SPOCK1: variants seen among roughly 807,000 people sequenced by gnomAD.
SPOCK1 encodes testican-1.
A neutral mutation model predicts 55.3 loss-of-function variants in SPOCK1; 23 were observed. That is an observed-to-expected ratio of 0.42 (90% CI 0.30 to 0.59). The LOEUF is 0.59. Among genes scored for constraint, SPOCK1 ranks in the 20% least tolerant of loss-of-function variants. The pLI is 0.22. For synonymous variants in SPOCK1, 226 were observed against 221.0 expected, an observed-to-expected ratio of 1.02 and a Z score of -0.20; for missense variants, 499 against 552.5, an observed-to-expected ratio of 0.90 and a Z score of 0.97.
intron 2 of SPOCK1, among the ~76,000 whole-genome samples, chr5:137,485,736 A>T (rs1453012039): frequency 6.6e-6 from 1 of 152,206 alleles, no homozygotes; most frequent in Non-Finnish European, 1.5e-5. Context: ...ACACACAAAA[A>T]AAAGTACAAC....
chr5:137,014,655 C>G (rs1253715377), intron 6 of SPOCK1, among the ~76,000 whole-genome samples: 1 of 152,160 alleles, frequency 6.6e-6, no homozygotes, highest in Non-Finnish European at 1.5e-5. Context: ...GAGGGACTTT[C>G]TGTGTCAATA....
intron 5 of SPOCK1, among the ~76,000 whole-genome samples, chr5:137,076,089 T>C (rs1432530799): frequency 6.6e-6 from 1 of 152,190 alleles, no homozygotes; most frequent in East Asian, 1.9e-4. Flanking sequence ...GGTGGGACCA[T>C]GCACAGCCTC....
chr5:137,027,755 G>A (rs1453172438), intron 6 of SPOCK1, among the ~76,000 whole-genome samples: 1 of 152,072 alleles, frequency 6.6e-6, no homozygotes, highest in Admixed American at 6.6e-5. Flanking sequence ...TATGGCTGTA[G>A]TCCATCCTCC....
chr5:137,193,736 G>A (rs1310197604), intron 3 of SPOCK1, among the ~76,000 whole-genome samples: 2 of 152,186 alleles, frequency 1.3e-5, no homozygotes, highest in Admixed American at 6.5e-5. Flanking sequence ...AGAGAAAAAT[G>A]AGAGGTCTGA....
At chr5:137,412,064 A>T (rs532303500) in intron 2 of SPOCK1, among the ~76,000 whole-genome samples, 2 of 152,270 alleles carry the variant, frequency 1.3e-5, no homozygotes, top group Admixed American at 6.5e-5. Flanking sequence ...CCACAATGTG[A>T]AGAGTTGAGG....
At chr5:137,088,407 G>A (rs1485360837) in intron 5 of SPOCK1, among the ~76,000 whole-genome samples, 8 of 152,170 alleles carry the variant, frequency 5.3e-5, no homozygotes, top group South Asian at 4.2e-4. Context: ...AAAGACGAAC[G>A]ATGTCTATCT....
intron 5 of SPOCK1, among the ~76,000 whole-genome samples, chr5:137,071,217 C>G (rs1580735347): frequency 1.3e-5 from 2 of 152,120 alleles, no homozygotes; most frequent in East Asian, 1.9e-4. Flanking sequence ...TGGTCTCAAA[C>G]TCCTGGGCTC....
At chr5:137,401,917 G>A (rs1369041643) in intron 2 of SPOCK1, among the ~76,000 whole-genome samples, 2 of 152,014 alleles carry the variant, frequency 1.3e-5, no homozygotes, top group African/African-American at 2.4e-5. Context: ...TTTCTTTTAG[G>A]GGAAAGCTAA....
intron 2 of SPOCK1, among the ~76,000 whole-genome samples, chr5:137,355,017 C>T (rs948496318): frequency 1.3e-5 from 2 of 152,104 alleles, no homozygotes; most frequent in East Asian, 3.9e-4. Context: ...ATTCTCGTGC[C>T]TCAGCCTCCT....
At chr5:137,458,771 A>C (rs1433819656) in intron 2 of SPOCK1, among the ~76,000 whole-genome samples, 1 of 152,192 alleles carries the variant, frequency 6.6e-6, no homozygotes, top group African/African-American at 2.4e-5. Flanking sequence ...GGCAAAAGGG[A>C]AGCACTTGAG....
chr5:137,159,071 G>T (rs1237723371), intron 3 of SPOCK1, among the ~76,000 whole-genome samples: 3 of 152,110 alleles, frequency 2.0e-5, no homozygotes, highest in African/African-American at 7.2e-5. Context: ...ATCAGCTATG[G>T]CCCAGGGAGG....
At chr5:137,184,341 C>T (rs1390666295) in intron 3 of SPOCK1, among the ~76,000 whole-genome samples, 1 of 152,128 alleles carries the variant, frequency 6.6e-6, no homozygotes, top group Non-Finnish European at 1.5e-5. Context: ...ATGGACAGAT[C>T]CTAGCATCCA....
chr5:137,036,126 G>A (rs1751879803), intron 6 of SPOCK1, among the ~76,000 whole-genome samples: 1 of 152,186 alleles, frequency 6.6e-6, no homozygotes, highest in Non-Finnish European at 1.5e-5. Context: ...AAGGATGGTG[G>A]GTTAAAGGGT....
intron 6 of SPOCK1, among the ~76,000 whole-genome samples, chr5:137,008,942 C>A (rs1751301103): frequency 6.6e-6 from 1 of 151,970 alleles, no homozygotes; most frequent in African/African-American, 2.4e-5. Flanking sequence ...GAGAACATTC[C>A]TGAATATCAG....
chr5:137,067,734 C>A lies in SPOCK1; in HGVS notation c.570G>T (p.Lys190Asn). ...CPCLPEPEPPKHKAERSACTD... is the reference protein window; with the variant it reads ...CPCLPEPEPPNHKAERSACTD... ...ACTCACCACTCCTTTCTGCCTTGTG[C>A]TTTGGTGGCTCAGGCTCTGGGAGAC... Residue 190 changes from lysine (K) to asparagine (N), a missense_variant, in exon 6 of 11, where the codon AAG (lysine) becomes AAT (asparagine). Around this residue, in one of 3 missense-constraint regions of SPOCK1, gnomAD observed 386 missense variants for 400.6 expected, o/e 0.96. Coordinates refer to ENST00000394945, the MANE Select transcript of SPOCK1 (RefSeq NM_004598.4). 1 of 1,614,172 alleles carries A rather than the reference C, an allele frequency of 6.2e-7. No individual in the cohort carries two copies.
chr5:137,218,007 C>T (rs1339147430), intron 3 of SPOCK1, among the ~76,000 whole-genome samples: 1 of 152,144 alleles, frequency 6.6e-6, no homozygotes, highest in African/African-American at 2.4e-5. Flanking sequence ...TTTGGCAAGA[C>T]CCAGCTCAGG....
chr5:137,400,662 C>T (rs1039824246), intron 2 of SPOCK1, among the ~76,000 whole-genome samples: 1 of 152,166 alleles, frequency 6.6e-6, no homozygotes, highest in Non-Finnish European at 1.5e-5. Context: ...GCAGTGTGGT[C>T]AGCACAGTTG....
At chr5:137,471,754 G>A (rs181273107) in intron 2 of SPOCK1, among the ~76,000 whole-genome samples, 38 of 152,262 alleles carry the variant, frequency 2.5e-4, no homozygotes, top group Non-Finnish European at 5.3e-4. Flanking sequence ...GGAGGGCAAG[G>A]TCTCAGCAGC....
chr5:137,174,700 C>T (rs1754821972), intron 3 of SPOCK1, among the ~76,000 whole-genome samples: 1 of 152,212 alleles, frequency 6.6e-6, no homozygotes, highest in Non-Finnish European at 1.5e-5. Context: ...TATTTTGTTC[C>T]AAAGCCAGTT....
Sources: gnomAD v4.1 joint callset for allele counts (sites outside exome capture counted in the v4.1 genomes callset) on GRCh38, gnomAD v4.1.1 for gene constraint, gnomAD v4.1.1 regional missense constraint, MANE v1.5 for transcripts, NCBI Gene and HGNC (gene_info 2026-07-23, HGNC 2026-07-21) for gene names.